Variants in CAMK1D observed in about 807,000 individuals in gnomAD.
The protein encoded by CAMK1D is calcium/calmodulin dependent protein kinase ID.
CAMK1D carries 9 observed loss-of-function variants against 47.7 expected under a neutral mutation model. The ratio of observed to expected loss-of-function variants is 0.19; its 90% CI spans 0.11 to 0.33. The LOEUF (loss-of-function observed/expected upper bound fraction) is 0.33. CAMK1D is among the 10% of genes least tolerant of loss of function. The pLI is 1.00. For missense variants in CAMK1D, 291 were observed against 488.7 expected (o/e 0.60, Z 3.81); for synonymous variants, 184 against 184.9 (o/e 0.99, Z 0.04).
chr10:12,744,480 T>G (rs1487032962), intron 3 of CAMK1D, among the ~76,000 whole-genome samples: 1 of 152,230 alleles, frequency 6.6e-6, no homozygotes, highest in Non-Finnish European at 1.5e-5. Context: ...ACATTCTCAT[T>G]GCCAACACTC....
intron 1 of CAMK1D, among the ~76,000 whole-genome samples, chr10:12,386,159 C>A (rs1431106913): frequency 2.0e-5 from 3 of 152,188 alleles, no homozygotes; most frequent in Admixed American, 2.0e-4. Context: ...TCAAATAGAG[C>A]CAAGCGTGAT....
At chr10:12,366,761 G>A (rs996538805) in intron 1 of CAMK1D, among the ~76,000 whole-genome samples, 6 of 152,142 alleles carry the variant, frequency 3.9e-5, no homozygotes, top group African/African-American at 1.4e-4. Flanking sequence ...GAGATTAGTG[G>A]TGGAGCTGGA....
chr10:12,479,141 C>T (rs1361625051), intron 1 of CAMK1D, among the ~76,000 whole-genome samples: 4 of 152,174 alleles, frequency 2.6e-5, no homozygotes, highest in East Asian at 1.9e-4. Flanking sequence ...GCCCTGCCCA[C>T]GGCGCTGCTG....
chr10:12,352,090 C>A (rs1164524412), intron 1 of CAMK1D, among the ~76,000 whole-genome samples: 1 of 152,170 alleles, frequency 6.6e-6, no homozygotes, highest in Non-Finnish European at 1.5e-5. Flanking sequence ...TTTACCATTA[C>A]ACCCAATTTG....
chr10:12,734,998 G>A (rs1835117517), intron 3 of CAMK1D, among the ~76,000 whole-genome samples: 1 of 152,214 alleles, frequency 6.6e-6, no homozygotes, highest in Non-Finnish European at 1.5e-5. Flanking sequence ...CAGTGGAGGT[G>A]TGATTCCAAG....
Position 12,678,881 on chromosome 10 carries a change from G to A in CAMK1D, c.299+12071G>A, listed in dbSNP as rs575023023. Among the ~76,000 whole-genome samples, 62 of 152,150 alleles carry A rather than the reference G, an allele frequency of 4.1e-4. 1 individual carries two copies. Among genetic ancestry groups the A allele is most frequent in the Admixed American group, 9.2e-4 (14 of 15,280 alleles). On this transcript the variant is annotated intron_variant, in intron 3 of 10. Coordinates refer to ENST00000619168, the MANE Select transcript of CAMK1D (RefSeq NM_153498.4). ...AGGTTCGAGTGATTCTCCTGCCTCA[G>A]ACTCTCGAGTAGCTGAGATTACAAG...
chr10:12,716,512 G>A (rs919304077), intron 3 of CAMK1D, among the ~76,000 whole-genome samples: 1 of 152,182 alleles, frequency 6.6e-6, no homozygotes, highest in Non-Finnish European at 1.5e-5. Flanking sequence ...ATGGGAGACA[G>A]AGGGGCTCTG....
chr10:12,536,973 T>TAGA (rs1172353040), intron 1 of CAMK1D, among the ~76,000 whole-genome samples: 2 of 152,228 alleles, frequency 1.3e-5, no homozygotes, highest in African/African-American at 4.8e-5. Flanking sequence ...TATATTCCTC[T>TAGA]AGATAAATTC....
chr10:12,769,626 C>T, intron 4 of CAMK1D, 47 bp from the exon 5 acceptor site: 2 of 1,603,148 alleles, frequency 1.2e-6, no homozygotes, highest in South Asian at 2.2e-5. Context: ...ACAATTAACC[C>T]AGCTTTACAC....
At chr10:12,648,260 T>G (rs1282281837) in intron 2 of CAMK1D, among the ~76,000 whole-genome samples, 1 of 152,186 alleles carries the variant, frequency 6.6e-6, no homozygotes, top group African/African-American at 2.4e-5. Context: ...AATATTGGTT[T>G]CCAGATTTAC....
chr10:12,418,646 G>A (rs541467982), intron 1 of CAMK1D, among the ~76,000 whole-genome samples: 1 of 152,334 alleles, frequency 6.6e-6, no homozygotes, highest in Admixed American at 6.5e-5. Context: ...AACTAGCAAT[G>A]TGTGAGCATG....
At chr10:12,681,080 A>C (rs1345438666) in intron 3 of CAMK1D, among the ~76,000 whole-genome samples, 1 of 152,058 alleles carries the variant, frequency 6.6e-6, no homozygotes, top group African/African-American at 2.4e-5. Flanking sequence ...CAGTGTCCAC[A>C]GGACAACCCA....
intron 2 of CAMK1D, among the ~76,000 whole-genome samples, chr10:12,632,958 G>A (rs1839422293): frequency 6.6e-6 from 1 of 152,192 alleles, no homozygotes; most frequent in South Asian, 2.1e-4. Context: ...CTCCCAAAGT[G>A]CTGGGATTAC....
intron 2 of CAMK1D, among the ~76,000 whole-genome samples, chr10:12,624,995 T>TTCC (rs57078350): frequency 0.36 from 53,890 of 148,164 alleles, 11,942 homozygotes; most frequent in East Asian, 0.51. Context: ...TTCCTCCTCT[T>TTCC]TCCTCCTCCT....
intron 1 of CAMK1D, among the ~76,000 whole-genome samples, chr10:12,365,095 T>C (rs1837791698): frequency 6.6e-6 from 1 of 151,894 alleles, no homozygotes; most frequent in African/African-American, 2.4e-5. Flanking sequence ...TAGCTGGGAT[T>C]ATAGGTATAC....
chr10:12,591,003 A>G (rs999329168), intron 2 of CAMK1D, among the ~76,000 whole-genome samples: 2 of 152,206 alleles, frequency 1.3e-5, no homozygotes, highest in African/African-American at 4.8e-5. Flanking sequence ...CTTGGAGAAG[A>G]TAGCTAACCG....
chr10:12,532,489 C>T (rs1206633724), intron 1 of CAMK1D, among the ~76,000 whole-genome samples: 1 of 152,122 alleles, frequency 6.6e-6, no homozygotes, highest in East Asian at 1.9e-4. Flanking sequence ...CCGTTTTAGC[C>T]GGGATGGTCT....
Position 12,388,562 on chromosome 10 carries a change from C to T in CAMK1D, c.92+38652C>T, listed in dbSNP as rs534066165. Among the ~76,000 whole-genome samples the T allele has an allele frequency of 5.4e-4, 83 of 152,304 alleles. 1 individual carries two copies. In the South Asian group the frequency reaches 0.016, roughly 30 times the overall value. On this transcript the variant is annotated intron_variant, in intron 1 of 10. Transcript: ENST00000619168. ...TGGCAGTCTGAGTGTTTTGTCTTCT[C>T]TGTTGGGGGCTGTTAAGAGGCACAA...
At chr10:12,541,887 C>CTTCCTTCCT (rs769998585) in intron 1 of CAMK1D, among the ~76,000 whole-genome samples, 1 of 126,858 alleles carries the variant, frequency 7.9e-6, no homozygotes, top group South Asian at 2.4e-4. Context: ...TCCTTCCTTC[C>CTTCCTTCCT]TTTTTTTTTT....
Sources: gnomAD v4.1 joint callset for allele counts (sites outside exome capture counted in the v4.1 genomes callset) on GRCh38, gnomAD v4.1.1 for gene constraint, MANE v1.5 for transcripts, NCBI Gene and HGNC (gene_info 2026-07-23, HGNC 2026-07-21) for gene names.